SLC22A25: variants seen among roughly 807,000 people sequenced by gnomAD.
The protein encoded by SLC22A25 is MGI:2442751, MGI:2385316, MGI:3042283, MGI:3645714, MGI:3605624, MGI:2442750.
Under a neutral mutation model 45.9 loss-of-function variants are expected in SLC22A25, and 44 were observed. The ratio of observed to expected loss-of-function variants is 0.96; its 90% CI spans 0.75 to 1.23. The LOEUF is 1.23. Among genes scored for constraint, SLC22A25 ranks in the 50% most tolerant of loss-of-function variants. The pLI, the probability that SLC22A25 is intolerant of heterozygous loss-of-function variation, is 0.00. For missense variants in SLC22A25, 800 were observed against 666.4 expected, an observed-to-expected ratio of 1.20 and a Z score of -2.21; for synonymous variants, 283 against 238.6, an observed-to-expected ratio of 1.19 and a Z score of -1.72.
intron 5 of SLC22A25, among the ~76,000 whole-genome samples, chr11:63,223,920 T>C (rs1453258506): frequency 6.6e-6 from 1 of 152,130 alleles, no homozygotes; most frequent in East Asian, 1.9e-4. Flanking sequence ...ATTTGTATAG[T>C]TTCCAGAATC....
chr11:63,226,598 C>G (rs2089966703), intron 5 of SLC22A25, among the ~76,000 whole-genome samples: 1 of 152,200 alleles, frequency 6.6e-6, no homozygotes, highest in Non-Finnish European at 1.5e-5. Flanking sequence ...GACCTGAAGA[C>G]AGCATAGCAC....
At position 63,189,755 on chromosome 11, in the gene SLC22A25, C is replaced by G. The variant is rs542767551; in HGVS notation, c.831-5938G>C. On this transcript the variant is annotated intron_variant, in intron 7 of 11. Coordinates refer to ENST00000306494, the MANE Select transcript of SLC22A25 (RefSeq NM_199352.6). ...GGCAGGCCTAATGGTGACAAAATCT[C>G]TCAGCATTTGCTTGTGTGTAAAGGA... Among the ~76,000 whole-genome samples, 343 of 152,310 alleles carry G rather than the reference C, an allele frequency of 2.3e-3. 1 individual carries two copies. The highest frequency in any genetic ancestry group is 7.9e-3 in the African/African-American group (328 of 41,570).
At chr11:63,173,228 G>C (rs867286243) in intron 9 of SLC22A25, among the ~76,000 whole-genome samples, 1 of 139,884 alleles carries the variant, frequency 7.1e-6, no homozygotes. Context: ...GGGGTGGGGG[G>C]CAAGGGGTGG....
intron 10 of SLC22A25, 103 bp from the exon 11 acceptor site, chr11:63,164,737 G>T: frequency 1.1e-6 from 1 of 887,644 alleles, no homozygotes; most frequent in Non-Finnish European, 1.8e-6. Flanking sequence ...GTTTCCAGGG[G>T]TAAAATGTAC....
intron 7 of SLC22A25, among the ~76,000 whole-genome samples, chr11:63,185,347 C>T (rs562616122): frequency 6.6e-6 from 1 of 151,716 alleles, no homozygotes; most frequent in South Asian, 2.1e-4. Flanking sequence ...TCCATGTGTT[C>T]TCATTGTTCA....
intron 5 of SLC22A25, among the ~76,000 whole-genome samples, chr11:63,221,870 G>T (rs2089860426): frequency 6.6e-6 from 1 of 151,990 alleles, no homozygotes; most frequent in Non-Finnish European, 1.5e-5. Context: ...TCCCAGCATT[G>T]TGTATTAAAG....
chr11:63,177,311 G>A (rs1013584778), intron 9 of SLC22A25, among the ~76,000 whole-genome samples: 3 of 151,098 alleles, frequency 2.0e-5, no homozygotes, highest in Non-Finnish European at 4.4e-5. Flanking sequence ...ATAAAACCTG[G>A]GTAATTGGGA....
rs2087516387 is a variant in SLC22A25 at position 63,159,096 on chromosome 11, T to C, written c.*4728A>G. ...GCAAATGACAGGATCTCATTCTTTATTTTATGGCTGAATAGTACTTCATTG... is the reference window on the plus strand; with the variant it reads ...GCAAATGACAGGATCTCATTCTTTACTTTATGGCTGAATAGTACTTCATTG... On this transcript the variant is annotated 3_prime_UTR_variant, in exon 12 of 12. Coordinates refer to ENST00000306494, the MANE Select transcript of SLC22A25 (RefSeq NM_199352.6). Among the ~76,000 whole-genome samples, 1 of 152,216 alleles carries C rather than the reference T, an allele frequency of 6.6e-6. No individual in the cohort carries two copies. Among genetic ancestry groups the C allele is most frequent in the Non-Finnish European group, 1.5e-5 (1 of 68,036 alleles).
intron 9 of SLC22A25, among the ~76,000 whole-genome samples, chr11:63,173,528 A>T (rs1005514384): frequency 6.6e-6 from 1 of 152,160 alleles, no homozygotes; most frequent in Non-Finnish European, 1.5e-5. Flanking sequence ...GGCAGGGCTC[A>T]GTCACCCTTG....
chr11:63,189,640 C>T (rs111500017), intron 7 of SLC22A25, among the ~76,000 whole-genome samples: 19,302 of 152,140 alleles, frequency 0.13, 2,289 homozygotes, highest in African/African-American at 0.32. Context: ...TTCCTAGCAT[C>T]GATGGTCTTT....
chr11:63,209,391 CG>C (rs2089496610), intron 7 of SLC22A25, among the ~76,000 whole-genome samples: 1 of 152,098 alleles, frequency 6.6e-6, no homozygotes, highest in Non-Finnish European at 1.5e-5. Flanking sequence ...AAGAGAATGT[CG>C]GCCCCCATAT....
chr11:63,226,861 C>T (rs1301039349), intron 5 of SLC22A25, among the ~76,000 whole-genome samples: 1 of 152,240 alleles, frequency 6.6e-6, no homozygotes, highest in African/African-American at 2.4e-5. Flanking sequence ...AACCACAAGA[C>T]AAAATCCTTT....
At chr11:63,186,831 G>A (rs1370228526) in intron 7 of SLC22A25, among the ~76,000 whole-genome samples, 6 of 152,080 alleles carry the variant, frequency 3.9e-5, no homozygotes. Context: ...TTTTTGTCAG[G>A]TTTGTCAAAG....
intron 3 of SLC22A25, among the ~76,000 whole-genome samples, chr11:63,237,525 T>C (rs1193894): frequency 0.51 from 77,826 of 151,996 alleles, 20,854 homozygotes; most frequent in African/African-American, 0.67. Flanking sequence ...ACTCTTGGAC[T>C]TCCAAGCCTC....
chr11:63,223,823 T>G (rs2089903121), intron 5 of SLC22A25, among the ~76,000 whole-genome samples: 1 of 152,250 alleles, frequency 6.6e-6, no homozygotes, highest in Non-Finnish European at 1.5e-5. Context: ...GTTTCCATTA[T>G]CATTTGTTTC....
intron 5 of SLC22A25, among the ~76,000 whole-genome samples, chr11:63,220,762 CT>C (rs2089835284): frequency 6.6e-6 from 1 of 152,148 alleles, no homozygotes; most frequent in South Asian, 2.1e-4. Context: ...CACTTTCCCC[CT>C]GACACACCCA....
intron 11 of SLC22A25, 69 bp downstream of exon 11, chr11:63,164,454 TCCC>T: frequency 1.5e-6 from 2 of 1,301,464 alleles, no homozygotes; most frequent in Admixed American, 2.0e-5. Context: ...TGGATTTTTT[TCCC>T]TTGTTAAGTG....
intron 3 of SLC22A25, among the ~76,000 whole-genome samples, chr11:63,234,123 G>C (rs1258796639): frequency 6.6e-6 from 1 of 152,164 alleles, no homozygotes; most frequent in Non-Finnish European, 1.5e-5. Flanking sequence ...GTTGATTTGG[G>C]GTGGAGAGTT....
At position 63,217,429 on chromosome 11, in the gene SLC22A25, A is replaced by G; in HGVS notation, c.715T>C (p.Cys239Arg). The stretch of plus-strand genomic sequence containing the variant: ...GTTATATGTCCAATACTAGCAGCAC[A>G]AAGTGTCAATGTCAATGCCATGGCA... ...FCAMALTLTL[C>R]AASIGHITLG... is the part of the protein sequence containing the mutation. Residue 239 changes from cysteine (C) to arginine (R), a missense_variant, in exon 7 of 12, where the codon TGT becomes CGT. Transcript: ENST00000306494. 6.2e-7 allele frequency: 1 copy of G among 1,614,116 alleles called. No individual in the cohort carries two copies. Among genetic ancestry groups the G allele is most frequent in the Non-Finnish European group, 8.5e-7 (1 of 1,180,014 alleles).
Sources: gnomAD v4.1 joint callset for allele counts (sites outside exome capture counted in the v4.1 genomes callset) on GRCh38, gnomAD v4.1.1 for gene constraint, MANE v1.5 for transcripts, NCBI Gene and HGNC (gene_info 2026-07-23, HGNC 2026-07-21) for gene names.